BBS9: variants seen among roughly 807,000 people sequenced by gnomAD.
The protein encoded by BBS9 is protein PTHB1.
In BBS9, 89 loss-of-function variants were observed where a neutral mutation model predicts 117.7. That is an observed-to-expected ratio of 0.76 (90% CI 0.64 to 0.90). The LOEUF (loss-of-function observed/expected upper bound fraction) is 0.90. Among genes scored for constraint, BBS9 ranks in the 40% least tolerant of loss-of-function variants. The probability of loss-of-function intolerance (pLI) is 0.00; values close to 1 mark genes in which losing one functional copy is unlikely to be tolerated. For missense variants in BBS9, 982 were observed against 1,042.2 expected (o/e 0.94, Z 0.80); for synonymous variants, 379 against 370.9 (o/e 1.02, Z -0.25).
chr7:33,170,230 A>G (rs1442175948), intron 4 of BBS9, among the ~76,000 whole-genome samples: 6 of 150,226 alleles, frequency 4.0e-5, no homozygotes, highest in African/African-American at 1.5e-4. Flanking sequence ...CGAATCCAGC[A>G]GCACATCAAA....
chr7:33,622,829 GT>G (rs1388882474), intron 21 of BBS9, among the ~76,000 whole-genome samples: 1 of 152,154 alleles, frequency 6.6e-6, no homozygotes, highest in Non-Finnish European at 1.5e-5. Context: ...GGTAAAAATA[GT>G]TTTCAATAAG....
chr7:33,629,785 T>G (rs896349161), intron 21 of BBS9, among the ~76,000 whole-genome samples: 1 of 152,244 alleles, frequency 6.6e-6, no homozygotes, highest in African/African-American at 2.4e-5. Flanking sequence ...TGTGAAACCA[T>G]GTATTCAGCT....
downstream of BBS9, among the ~76,000 whole-genome samples, chr7:33,609,878 C>CT (rs1864769990): frequency 6.6e-6 from 1 of 152,060 alleles, no homozygotes; most frequent in African/African-American, 2.4e-5. Flanking sequence ...ACAGAGTTGT[C>CT]TGTAATCCAC....
At chr7:33,446,944 A>G (rs570816395) in intron 19 of BBS9, among the ~76,000 whole-genome samples, 17 of 152,342 alleles carry the variant, frequency 1.1e-4, no homozygotes, top group African/African-American at 3.8e-4. Flanking sequence ...TAGATTGGCT[A>G]AAGGTGGCAA....
Position 33,387,939 on chromosome 7 carries a change from A to G in BBS9, c.1963-53A>G, listed in dbSNP as rs112673095. ...TTATCATTGTGTGTATTTTTTCTTT[A>G]AAGATGTTTTTTGTGTCCATTTAAT... On this transcript the variant is annotated intron_variant, in intron 18 of 22. Transcript: ENST00000242067. 4.4e-4 allele frequency: 687 copies of G among 1,572,688 alleles called. 1 individual carries two copies. In the African/African-American group the frequency reaches 8.0e-3, roughly 18 times the overall value.
chr7:33,603,514 A>G (rs189833041), intron 21 of BBS9, among the ~76,000 whole-genome samples: 1 of 152,250 alleles, frequency 6.6e-6, no homozygotes, highest in African/African-American at 2.4e-5. Context: ...TTTCTTATAA[A>G]ATGAGAATAA....
intron 9 of BBS9, among the ~76,000 whole-genome samples, chr7:33,307,131 C>T (rs1009976791): frequency 2.0e-5 from 3 of 152,048 alleles, no homozygotes; most frequent in African/African-American, 4.8e-5. Context: ...CAATTTGTAA[C>T]CTATATTTGC....
At chr7:33,190,398 C>G (rs1264959966) in intron 5 of BBS9, among the ~76,000 whole-genome samples, 1 of 152,218 alleles carries the variant, frequency 6.6e-6, no homozygotes, top group African/African-American at 2.4e-5. Flanking sequence ...CCTCCCATTT[C>G]CTGCAGAGGC....
At chr7:33,180,539 T>C (rs574956947) in intron 5 of BBS9, among the ~76,000 whole-genome samples, 1 of 152,064 alleles carries the variant, frequency 6.6e-6, no homozygotes, top group African/African-American at 2.4e-5. Flanking sequence ...GTATTTTCAG[T>C]AGAGATGGGG....
intron 21 of BBS9, among the ~76,000 whole-genome samples, chr7:33,596,299 C>CACACACACACACACAT (rs1491153351): frequency 9.8e-5 from 14 of 143,514 alleles, no homozygotes; most frequent in African/African-American, 2.4e-4. Flanking sequence ...CACACACACA[C>CACACACACACACACAT]TTATATATGT....
chr7:33,129,563 TGAC>T lies in BBS9; in HGVS notation c.-489_-487del, dbSNP rs1789259878. The T allele has an allele frequency of 2.5e-5, 4 of 157,518 alleles. No individual in the cohort carries two copies. Among genetic ancestry groups the T allele is most frequent in the African/African-American group, 9.6e-5 (4 of 41,650 alleles). 9.8% of individuals were successfully genotyped at this position (157,518 alleles called of 1,614,324 possible). On this transcript the variant is annotated 5_prime_UTR_variant, in exon 1 of 23. Coordinates refer to ENST00000242067, the MANE Select transcript of BBS9 (RefSeq NM_198428.3). ...GCAGTGGCGTCCGTTGTAAGTGCTA[TGAC>T]AACAGGGCGAAGATGGCTCAGAGTT...
chr7:33,528,889 C>G (rs116040242), intron 20 of BBS9, among the ~76,000 whole-genome samples: 1 of 152,192 alleles, frequency 6.6e-6, no homozygotes. Flanking sequence ...GGTCGATACC[C>G]TAGGAAATTA....
intron 19 of BBS9, among the ~76,000 whole-genome samples, chr7:33,440,576 A>G (rs909540347): frequency 5.3e-5 from 8 of 152,218 alleles, no homozygotes; most frequent in African/African-American, 1.9e-4. Flanking sequence ...ACTCAGGTTT[A>G]TTGAGGCAGT....
chr7:33,591,866 CCAT>C lies in BBS9; in HGVS notation c.2522-12971_2522-12969del, dbSNP rs138958813. Among the ~76,000 whole-genome samples, 244 of 151,146 alleles carry C rather than the reference CCAT, an allele frequency of 1.6e-3. 2 individuals are homozygous for C. Among genetic ancestry groups the C allele is most frequent in the East Asian group, 0.012 (61 of 5,126 alleles). ...GATTATGTACCCCTGGCCGTCGTCG[CCAT>C]CATCATCATCATCATCATCATCATC... On this transcript the variant is annotated intron_variant, in intron 21 of 22. Coordinates refer to ENST00000242067, the MANE Select transcript of BBS9 (RefSeq NM_198428.3).
chr7:33,316,507 CCTA>C (rs1247645792), intron 9 of BBS9, among the ~76,000 whole-genome samples: 2 of 152,144 alleles, frequency 1.3e-5, no homozygotes, highest in African/African-American at 2.4e-5. Flanking sequence ...ATTTTACATT[CCTA>C]CTAGTGATAT....
chr7:33,291,275 CTTAG>C (rs1174263623), intron 9 of BBS9, among the ~76,000 whole-genome samples: 8 of 151,796 alleles, frequency 5.3e-5, no homozygotes, highest in Admixed American at 2.6e-4. Flanking sequence ...TTCTTTATTC[CTTAG>C]TTAGTGTCTA....
chr7:33,243,064 C>A lies in BBS9; in HGVS notation c.443-14172C>A. On this transcript the variant is annotated intron_variant, in intron 5 of 22. Coordinates refer to ENST00000242067, the MANE Select transcript of BBS9 (RefSeq NM_198428.3). Reference sequence around the variant, plus strand: ...GTTGGATGTGCTAATAATGTATGGACCACGTTGTAAATGGCTATTACTGTT... The same window carrying A: ...GTTGGATGTGCTAATAATGTATGGAACACGTTGTAAATGGCTATTACTGTT... 6.0e-6 allele frequency: 3 copies of A among 498,158 alleles called. No individual in the cohort carries two copies. The Admixed American group carries it at 6.1e-5, about 10-fold the overall frequency. The allele number at this position is 498,158 out of a possible 1,614,324, so 30.9% of individuals were successfully genotyped here.
intron 5 of BBS9, chr7:33,177,927 T>A (rs539417980): frequency 4.4e-4 from 96 of 218,136 alleles, no homozygotes; most frequent in African/African-American, 2.0e-3. Flanking sequence ...TATAGAAACA[T>A]TTCTAAAACT....
chr7:33,369,963 G>A lies in BBS9; in HGVS notation c.1789+2101G>A, dbSNP rs192864505. On this transcript the variant is annotated intron_variant, in intron 17 of 22. Coordinates refer to ENST00000242067, the MANE Select transcript of BBS9 (RefSeq NM_198428.3). ...CCTTGACTCTTGGATAGTATTTTCT[G>A]TGGGTTCCGTGTATTCATCTCTTTT... Among the ~76,000 whole-genome samples the A allele has an allele frequency of 5.9e-5, 9 of 152,294 alleles. No homozygotes were observed. In the East Asian group the frequency reaches 1.3e-3, roughly 23 times the overall value.
Sources: gnomAD v4.1 joint callset for allele counts (sites outside exome capture counted in the v4.1 genomes callset) on GRCh38, gnomAD v4.1.1 for gene constraint, MANE v1.5 for transcripts, NCBI Gene and HGNC (gene_info 2026-07-23, HGNC 2026-07-21) for gene names.